SPATA6: variants seen among roughly 807,000 people sequenced by gnomAD.
SPATA6 encodes spermatogenesis associated 6, also known as spermatogenesis-associated protein 6.
A neutral mutation model predicts 65.3 loss-of-function variants in SPATA6; 56 were observed. The observed-to-expected ratio is 0.86, with a 90% CI of 0.69 to 1.07. The LOEUF is 1.07. SPATA6 is among the 50% of genes least tolerant of loss of function. SPATA6 has a pLI of 0.00. For missense variants in SPATA6, 590 were observed against 594.8 expected (o/e 0.99, Z 0.08); for synonymous variants, 199 against 213.2 (o/e 0.93, Z 0.58).
chr1:48,399,501 T>G lies in SPATA6; in HGVS notation c.630A>C (p.Thr210=), dbSNP rs1254472808. 6.2e-7 allele frequency: 1 copy of G among 1,613,294 alleles called. No homozygotes were observed. Among genetic ancestry groups the G allele is most frequent in the East Asian group, 2.2e-5 (1 of 44,846 alleles). The change falls in exon 7 of 13, where the codon ACA becomes ACC. Residue 210 remains threonine (T), a synonymous_variant. Transcript: ENST00000371847. ...ATGGAGAGTGTGATTTTGAAGAAAT[T>G]GTAGGCTGTTCGTAGTTTTTTGCAT... ...CINAKNYEQP[T]ISSKSHSPSP... is the part of the protein sequence containing the mutation.
At chr1:48,317,476 A>G (rs1019918339) in intron 11 of SPATA6, among the ~76,000 whole-genome samples, 4 of 151,514 alleles carry the variant, frequency 2.6e-5, no homozygotes, top group African/African-American at 7.3e-5. Flanking sequence ...GAACTGAACA[A>G]TGAGAACACA....
chr1:48,452,877 T>C, intron 2 of SPATA6, 117 bp downstream of exon 2: 2 of 1,246,586 alleles, frequency 1.6e-6, no homozygotes, highest in Non-Finnish European at 2.1e-6. Context: ...AATGTCCTTT[T>C]GAATTAAACC....
intron 3 of SPATA6, among the ~76,000 whole-genome samples, chr1:48,414,995 TA>T (rs79060900): frequency 5.9e-4 from 84 of 141,418 alleles, no homozygotes; most frequent in Middle Eastern, 7.2e-3. Flanking sequence ...ACAGAAATTC[TA>T]AAAAAAAAAA....
At chr1:48,425,256 C>T (rs1056919645) in intron 3 of SPATA6, among the ~76,000 whole-genome samples, 11 of 152,110 alleles carry the variant, frequency 7.2e-5, no homozygotes, top group African/African-American at 2.2e-4. Flanking sequence ...CTATCTTTCC[C>T]CAGTGTTATG....
chr1:48,425,912 T>C (rs1389229830), intron 3 of SPATA6, among the ~76,000 whole-genome samples: 2 of 151,386 alleles, frequency 1.3e-5, no homozygotes, highest in South Asian at 2.1e-4. Context: ...AAGATTTCTT[T>C]AAAATGAAAA....
chr1:48,357,826 G>C (rs1256283011), intron 10 of SPATA6, among the ~76,000 whole-genome samples: 1 of 151,986 alleles, frequency 6.6e-6, no homozygotes, highest in Non-Finnish European at 1.5e-5. Context: ...TCAAATCAAA[G>C]GTGTTCTGCT....
intron 9 of SPATA6, among the ~76,000 whole-genome samples, chr1:48,370,762 A>T (rs1250101856): frequency 6.6e-6 from 1 of 152,218 alleles, no homozygotes; most frequent in East Asian, 1.9e-4. Flanking sequence ...ACAGCTGTTA[A>T]GCAGTGGGGG....
At chr1:48,470,684 A>T (rs1341026868) in intron 1 of SPATA6, among the ~76,000 whole-genome samples, 1 of 152,104 alleles carries the variant, frequency 6.6e-6, no homozygotes, top group African/African-American at 2.4e-5. Flanking sequence ...GTGCTGCAGC[A>T]ACCTCATTCT....
At chr1:48,400,876 T>C in intron 6 of SPATA6, 4 of 1,245,866 alleles carry the variant, frequency 3.2e-6, no homozygotes, top group Non-Finnish European at 4.2e-6. Flanking sequence ...TTCAGAATTT[T>C]TCTACCATAT....
chr1:48,323,186 T>C (rs1645649446), intron 11 of SPATA6, among the ~76,000 whole-genome samples: 1 of 152,110 alleles, frequency 6.6e-6, no homozygotes, highest in South Asian at 2.1e-4. Context: ...CCATCAATGA[T>C]AGACTGGATT....
At position 48,297,521 on chromosome 1, in the gene SPATA6, A is replaced by G. The variant is rs1478942780; in HGVS notation, c.*1192T>C. On this transcript the variant is annotated 3_prime_UTR_variant, in exon 13 of 13. Coordinates refer to ENST00000371847, the MANE Select transcript of SPATA6 (RefSeq NM_019073.4). ...CACATTTTAATTTCATTTTAAAGGA[A>G]GTTCATTTTGTTCTTTTTCAATCAT... is the stretch of plus-strand genomic sequence containing the variant. 4 of 152,198 alleles carry G rather than the reference A, an allele frequency of 2.6e-5. No individual in the cohort carries two copies. The highest frequency in any genetic ancestry group is 5.9e-5 in the Non-Finnish European group (4 of 68,032). 9.4% of individuals were successfully genotyped at this position (152,198 alleles called of 1,614,324 possible).
chr1:48,304,011 C>T (rs1645000333), intron 12 of SPATA6, among the ~76,000 whole-genome samples: 1 of 152,196 alleles, frequency 6.6e-6, no homozygotes, highest in Non-Finnish European at 1.5e-5. Flanking sequence ...TCTCTCTTGA[C>T]TTCTGCTGAC....
chr1:48,277,760 C>T, the SPATA6 span, among the ~76,000 whole-genome samples: 1 of 152,208 alleles, frequency 6.6e-6, no homozygotes, highest in African/African-American at 2.4e-5. Context: ...AGGGCACAGA[C>T]AAACAAAAAG....
At chr1:48,360,047 T>C (rs561709067) in intron 9 of SPATA6, among the ~76,000 whole-genome samples, 2 of 152,246 alleles carry the variant, frequency 1.3e-5, no homozygotes, top group Non-Finnish European at 1.5e-5. Flanking sequence ...GGGGTTCGCA[T>C]AGGGATGTGT....
In SPATA6 at chr1:48,317,586, G is replaced by T. The variant is rs997149268; in HGVS notation, c.1195-11708C>A. ...AGATATACCTAATGTTAAATGATGAGTTAATGGGTGCAGCACACCAACATA... is the reference window on the plus strand; with the variant it reads ...AGATATACCTAATGTTAAATGATGATTTAATGGGTGCAGCACACCAACATA... On this transcript the variant is annotated intron_variant, in intron 11 of 12. Transcript: ENST00000371847. 2.7e-4 allele frequency among the ~76,000 whole-genome samples: 41 copies of T among 152,068 alleles called. 2 individuals are homozygous for T. The highest frequency in any genetic ancestry group is 1.4e-3 in the Admixed American group (22 of 15,268).
rs1227089210 is a variant in SPATA6 at position 48,391,626 on chromosome 1, C to G, written c.868+3641G>C. 2.0e-5 allele frequency among the ~76,000 whole-genome samples: 3 copies of G among 152,130 alleles called. No individual in the cohort carries two copies. In the East Asian group the frequency reaches 5.8e-4, roughly 29 times the overall value. ...TGTTCATATTTAATCACCCTCACCA[C>G]CAATTAGTCACAAACTATATTTCAA... On this transcript the variant is annotated intron_variant, in intron 8 of 12. Coordinates refer to ENST00000371847, the MANE Select transcript of SPATA6 (RefSeq NM_019073.4).
At chr1:48,440,643 A>G (rs1655368875) in intron 3 of SPATA6, among the ~76,000 whole-genome samples, 1 of 152,208 alleles carries the variant, frequency 6.6e-6, no homozygotes, top group Admixed American at 6.5e-5. Context: ...AATGATGTCC[A>G]CCATAACTCA....
At chr1:48,301,596 G>A (rs145551834) in intron 12 of SPATA6, among the ~76,000 whole-genome samples, 1 of 151,216 alleles carries the variant, frequency 6.6e-6, no homozygotes, top group African/African-American at 2.4e-5. Context: ...ACAGAACGAA[G>A]TTGGAGGCAT....
intron 3 of SPATA6, chr1:48,436,677 A>G: frequency 6.2e-7 from 1 of 1,614,184 alleles, no homozygotes; most frequent in Non-Finnish European, 8.5e-7. Flanking sequence ...GTCCAGAACT[A>G]CTGAGACAGG....
Sources: allele counts gnomAD v4.1 joint callset (sites outside exome capture counted in the v4.1 genomes callset), GRCh38; gene constraint gnomAD v4.1.1; transcripts MANE v1.5; gene names NCBI Gene and HGNC (gene_info 2026-07-23, HGNC 2026-07-21).